The following GRIK2 variants were observed in gnomAD, a reference collection of about 807,000 sequenced individuals.
GRIK2 encodes glutamate receptor ionotropic, kainate 2.
Under a neutral mutation model 100.3 loss-of-function variants are expected in GRIK2, and 32 were observed. The ratio of observed to expected loss-of-function variants is 0.32; its 90% CI spans 0.24 to 0.43. The LOEUF (loss-of-function observed/expected upper bound fraction) is 0.43, where lower values mean the gene tolerates loss of function less well. GRIK2 is among the 20% of genes least tolerant of loss of function. The pLI is 1.00. For synonymous variants in GRIK2, 417 were observed against 389.4 expected, an observed-to-expected ratio of 1.07 and a Z score of -0.83; for missense variants, 843 against 1,114.9, an observed-to-expected ratio of 0.76 and a Z score of 3.47.
chr6:101,587,066 A>G (rs1053334549), intron 2 of GRIK2, among the ~76,000 whole-genome samples: 2 of 152,010 alleles, frequency 1.3e-5, no homozygotes, highest in African/African-American at 4.8e-5. Context: ...TAATTCTAGA[A>G]TTTGTTGAAT....
intron 12 of GRIK2, among the ~76,000 whole-genome samples, chr6:101,915,754 C>T (rs1210092606): frequency 2.6e-5 from 4 of 151,282 alleles, no homozygotes; most frequent in Non-Finnish European, 5.9e-5. Context: ...AATTGTTTAT[C>T]GTAGACACAT....
intron 7 of GRIK2, among the ~76,000 whole-genome samples, chr6:101,769,323 A>G (rs938332229): frequency 3.9e-5 from 6 of 152,216 alleles, no homozygotes; most frequent in Non-Finnish European, 7.3e-5. Context: ...GTGTATATTC[A>G]TTGGGTAGCC....
intron 2 of GRIK2, among the ~76,000 whole-genome samples, chr6:101,480,732 A>G (rs953433402): frequency 6.6e-6 from 1 of 152,188 alleles, no homozygotes; most frequent in Non-Finnish European, 1.5e-5. Context: ...AAAAAAGAAA[A>G]AAAACTGGGA....
intron 4 of GRIK2, among the ~76,000 whole-genome samples, chr6:101,656,022 G>T (rs1204788950): frequency 6.6e-6 from 1 of 152,106 alleles, no homozygotes. Flanking sequence ...TAAATGGCAG[G>T]CTGGGCATGG....
chr6:101,969,151 A>G (rs748569544), intron 14 of GRIK2, among the ~76,000 whole-genome samples: 1 of 152,030 alleles, frequency 6.6e-6, no homozygotes, highest in Non-Finnish European at 1.5e-5. Flanking sequence ...TGAACCACAT[A>G]TAATTTATAA....
intron 2 of GRIK2, among the ~76,000 whole-genome samples, chr6:101,425,246 CT>C (rs1481474228): frequency 6.6e-6 from 1 of 152,182 alleles, no homozygotes; most frequent in African/African-American, 2.4e-5. Context: ...ACCACACTGA[CT>C]TCCACAATGG....
chr6:101,872,252 G>T (rs1447878089), intron 11 of GRIK2, among the ~76,000 whole-genome samples: 2 of 151,894 alleles, frequency 1.3e-5, no homozygotes, highest in Admixed American at 1.3e-4. Context: ...TTCTCACAGT[G>T]CTATAAAGAA....
At chr6:101,851,495 A>T (rs1389676705) in intron 10 of GRIK2, among the ~76,000 whole-genome samples, 1 of 152,032 alleles carries the variant, frequency 6.6e-6, no homozygotes, top group African/African-American at 2.4e-5. Context: ...GACAATTATA[A>T]TTTAACAATG....
rs138912322 is a variant in GRIK2 at position 101,819,202 on chromosome 6, T to G, written c.1317+719T>G. On this transcript the variant is annotated intron_variant, in intron 10 of 16. Coordinates refer to ENST00000369134, the MANE Select transcript of GRIK2 (RefSeq NM_021956.5). ...GCTCTTACATTATTTAGTCAGTACTTTTCACCTACCAAATAAGCTTATCAA... is the reference window on the plus strand; with the variant it reads ...GCTCTTACATTATTTAGTCAGTACTGTTCACCTACCAAATAAGCTTATCAA... Among the ~76,000 whole-genome samples the G allele has an allele frequency of 1.8e-3, 278 of 152,306 alleles. 1 individual carries two copies. Among genetic ancestry groups the G allele is most frequent in the African/African-American group, 6.5e-3 (270 of 41,572 alleles).
intron 7 of GRIK2, among the ~76,000 whole-genome samples, chr6:101,792,887 C>A (rs1386066141): frequency 2.0e-5 from 3 of 152,092 alleles, no homozygotes; most frequent in Non-Finnish European, 4.4e-5. Flanking sequence ...TCCCATATTT[C>A]TTGGAGGCTT....
intron 14 of GRIK2, among the ~76,000 whole-genome samples, chr6:102,018,411 A>G (rs1769239215): frequency 6.6e-6 from 1 of 152,256 alleles, no homozygotes; most frequent in African/African-American, 2.4e-5. Context: ...CTGGTAAAAG[A>G]ATTTCTCCTG....
chr6:101,779,356 A>T (rs1778937954), intron 7 of GRIK2, among the ~76,000 whole-genome samples: 1 of 152,198 alleles, frequency 6.6e-6, no homozygotes, highest in Non-Finnish European at 1.5e-5. Flanking sequence ...ACACCAAGCA[A>T]TAAGCTAGTA....
chr6:101,406,873 C>T (rs1460560106), intron 2 of GRIK2, among the ~76,000 whole-genome samples: 8 of 152,058 alleles, frequency 5.3e-5, no homozygotes, highest in Admixed American at 5.2e-4. Flanking sequence ...ACATTTTCTC[C>T]AATCAAAATG....
chr6:102,026,101 T>C (rs909007944), intron 14 of GRIK2, among the ~76,000 whole-genome samples: 1 of 128,462 alleles, frequency 7.8e-6, no homozygotes, highest in Non-Finnish European at 1.6e-5. Flanking sequence ...GGCATATACA[T>C]ATACACTTAC....
At chr6:101,924,018 C>T (rs772288581) in intron 12 of GRIK2, among the ~76,000 whole-genome samples, 38 of 150,216 alleles carry the variant, frequency 2.5e-4, no homozygotes, top group Non-Finnish European at 4.6e-4. Flanking sequence ...ATGTCAGAAG[C>T]GTGTATTAGA....
chr6:101,898,993 AT>A (rs1273357072), intron 12 of GRIK2, among the ~76,000 whole-genome samples: 1 of 151,730 alleles, frequency 6.6e-6, no homozygotes, highest in Non-Finnish European at 1.5e-5. Flanking sequence ...AATTGCTATA[AT>A]TTTTTACATT....
At chr6:101,941,801 A>C (rs9498760) in intron 14 of GRIK2, among the ~76,000 whole-genome samples, 1 of 152,138 alleles carries the variant, frequency 6.6e-6, no homozygotes, top group Admixed American at 6.6e-5. Flanking sequence ...TAGCTTTCTA[A>C]CAATAGGAAA....
chr6:101,747,969 C>T (rs1344013097), intron 7 of GRIK2, among the ~76,000 whole-genome samples: 1 of 152,004 alleles, frequency 6.6e-6, no homozygotes, highest in South Asian at 2.1e-4. Flanking sequence ...CAAATAGTGC[C>T]AAATCAGAAA....
At chr6:101,748,548 T>A in intron 7 of GRIK2, among the ~76,000 whole-genome samples, 1 of 152,042 alleles carries the variant, frequency 6.6e-6, no homozygotes, top group East Asian at 1.9e-4. Flanking sequence ...AGTATTTAAT[T>A]CATTATTTAC....
Sources: gnomAD v4.1 joint callset for allele counts (sites outside exome capture counted in the v4.1 genomes callset) on GRCh38, gnomAD v4.1.1 for gene constraint, MANE v1.5 for transcripts, NCBI Gene and HGNC (gene_info 2026-07-23, HGNC 2026-07-21) for gene names.